The following GKAP1 variants were observed in gnomAD, a reference collection of about 807,000 sequenced individuals.
GKAP1 encodes G kinase-anchoring protein 1.
GKAP1 carries 31 observed loss-of-function variants against 56.7 expected under a neutral mutation model. That is an observed-to-expected ratio of 0.55 (90% CI 0.41 to 0.74). The LOEUF (loss-of-function observed/expected upper bound fraction) is 0.74. Among genes scored for constraint, GKAP1 ranks in the 30% least tolerant of loss-of-function variants. The pLI is 0.00. For missense variants in GKAP1, 364 were observed against 402.3 expected (o/e 0.90, Z 0.82); for synonymous variants, 151 against 138.6 (o/e 1.09, Z -0.63).
Position 83,806,401 on chromosome 9 carries a change from A to G in GKAP1, c.117T>C (p.Thr39=). The G allele has an allele frequency of 2.5e-6, 4 of 1,606,452 alleles. No individual in the cohort carries two copies. The highest frequency in any genetic ancestry group is 3.4e-6 in the Non-Finnish European group (4 of 1,175,910). ...SEPGKGKGRN[T]GKSQTLGSKS... Reference sequence around the variant, plus strand: ...TGCTTCCTAAAGTTTGAGACTTTCCAGTATTTCGACCTTTACCTTTTCCAG... The same window carrying G: ...TGCTTCCTAAAGTTTGAGACTTTCCGGTATTTCGACCTTTACCTTTTCCAG... Residue 39 remains threonine, a synonymous_variant, in exon 3 of 13, where the codon ACT becomes ACC. Transcript: ENST00000376371.
At chr9:83,779,507 ATG>A in intron 7 of GKAP1, among the ~76,000 whole-genome samples, 1 of 138,722 alleles carries the variant, frequency 7.2e-6, no homozygotes, top group Non-Finnish European at 1.5e-5. Flanking sequence ...ATACACATAT[ATG>A]TGTATATATA....
intron 6 of GKAP1, among the ~76,000 whole-genome samples, chr9:83,784,462 A>T (rs1397142590): frequency 6.6e-6 from 1 of 152,176 alleles, no homozygotes; most frequent in African/African-American, 2.4e-5. Context: ...AGATGCTGGC[A>T]TCTTGATATT....
intron 2 of GKAP1, among the ~76,000 whole-genome samples, chr9:83,807,308 C>G (rs1163256021): frequency 6.6e-6 from 1 of 152,130 alleles, no homozygotes; most frequent in African/African-American, 2.4e-5. Flanking sequence ...TGTGACTTCC[C>G]TTAGTTCTTT....
At chr9:83,796,960 A>C (rs1193446168) in intron 4 of GKAP1, among the ~76,000 whole-genome samples, 2 of 152,174 alleles carry the variant, frequency 1.3e-5, no homozygotes, top group Admixed American at 6.5e-5. Context: ...TCCTGCAGCA[A>C]ATCTTTTTCG....
intron 3 of GKAP1, among the ~76,000 whole-genome samples, chr9:83,802,987 T>C (rs1314559584): frequency 6.6e-6 from 1 of 152,026 alleles, no homozygotes. Flanking sequence ...TGTGTGCCTG[T>C]GGTCCCAGTT....
chr9:83,740,032 G>T (rs924867676), intron 12 of GKAP1, among the ~76,000 whole-genome samples: 6 of 152,020 alleles, frequency 3.9e-5, no homozygotes, highest in Admixed American at 2.0e-4. Flanking sequence ...GACTGTTCTA[G>T]AATTAAAAAT....
At chr9:83,784,576 AG>A (rs1944032419) in intron 6 of GKAP1, 138 bp downstream of exon 6, 1 of 606,854 alleles carries the variant, frequency 1.6e-6, no homozygotes, top group African/African-American at 1.9e-5. Flanking sequence ...ACTAAGACAA[AG>A]GTTTACATTT....
intron 7 of GKAP1, among the ~76,000 whole-genome samples, chr9:83,773,544 T>A (rs1943799595): frequency 6.6e-6 from 1 of 152,128 alleles, no homozygotes; most frequent in African/African-American, 2.4e-5. Context: ...AAAAACACAC[T>A]TGATCCCACA....
chr9:83,785,864 G>A (rs990956297), intron 5 of GKAP1, among the ~76,000 whole-genome samples: 2 of 152,098 alleles, frequency 1.3e-5, no homozygotes, highest in African/African-American at 4.8e-5. Flanking sequence ...CAATCTCCTT[G>A]CCTAGTACAT....
At chr9:83,775,007 CCTT>C (rs1211152200) in intron 7 of GKAP1, among the ~76,000 whole-genome samples, 4 of 113,296 alleles carry the variant, frequency 3.5e-5, no homozygotes, top group African/African-American at 2.9e-5. Flanking sequence ...GCGCCCGGCC[CCTT>C]CTTTTTTTTT....
rs538438851 is a variant in GKAP1, at chr9:83,804,079, A to T, written c.216+2223T>A. Among the ~76,000 whole-genome samples, 496 of 149,704 alleles carry T rather than the reference A, an allele frequency of 3.3e-3. 1 individual carries two copies. Among genetic ancestry groups the T allele is most frequent in the African/African-American group, 0.011 (459 of 40,266 alleles). On this transcript the variant is annotated intron_variant, in intron 3 of 12. Transcript: ENST00000376371. ...CGGCAGCCACCCCGTCTGGGAAGTG[A>T]GGAGCGTCTCCGCCCGGCAGCCGCC...
Position 83,802,483 on chromosome 9 carries a change from G to GAAACA in GKAP1, c.217-3156_217-3155insTGTTT, listed in dbSNP as rs1944347045. ...GGCAACAGAGGAAGACTCCATCTCAGAAAAAAAAAAAAAAAAAAGACCATC... is the reference window on the plus strand; with the variant it reads ...GGCAACAGAGGAAGACTCCATCTCAGAAACAAAAAAAAAAAAAAAAAAAGACCATC... On this transcript the variant is annotated intron_variant, in intron 3 of 12. Coordinates refer to ENST00000376371, the MANE Select transcript of GKAP1 (RefSeq NM_025211.4). Among the ~76,000 whole-genome samples the GAAACA allele has an allele frequency of 7.0e-5, 4 of 57,180 alleles. No homozygotes were observed. The South Asian group carries it at 2.3e-3, about 33-fold the overall frequency. 37.5% of individuals were successfully genotyped at this position (57,180 alleles called of 152,430 possible). A position where few individuals can be genotyped will look rare whatever the true frequency, so the allele number is the denominator to read the frequency against.
chr9:83,773,793 G>A (rs571797141), intron 7 of GKAP1, among the ~76,000 whole-genome samples: 1 of 151,998 alleles, frequency 6.6e-6, no homozygotes, highest in South Asian at 2.1e-4. Context: ...TAGATTTAAG[G>A]ATTTTCTACA....
intron 8 of GKAP1, among the ~76,000 whole-genome samples, 169 bp downstream of exon 8, chr9:83,768,649 A>G (rs1459103641): frequency 6.6e-6 from 1 of 152,240 alleles, no homozygotes; most frequent in Non-Finnish European, 1.5e-5. Flanking sequence ...CAGTATGAGT[A>G]TACTTCATAC....
chr9:83,787,479 C>T (rs1030668065), intron 5 of GKAP1, among the ~76,000 whole-genome samples: 1 of 152,274 alleles, frequency 6.6e-6, no homozygotes, highest in African/African-American at 2.4e-5. Flanking sequence ...CTCAAGCAAT[C>T]CTCCTGTCTC....
At chr9:83,803,116 A>G (rs1944359376) in intron 3 of GKAP1, among the ~76,000 whole-genome samples, 1 of 152,186 alleles carries the variant, frequency 6.6e-6, no homozygotes, top group Non-Finnish European at 1.5e-5. Context: ...TCTCAAAAAA[A>G]CAAAAACAAC....
intron 7 of GKAP1, among the ~76,000 whole-genome samples, chr9:83,779,635 A>C: frequency 6.7e-6 from 1 of 150,088 alleles, no homozygotes; most frequent in African/African-American, 2.5e-5. Context: ...ACACACACAC[A>C]CACACATTCT....
chr9:83,746,606 G>A (rs1330115999), intron 10 of GKAP1, among the ~76,000 whole-genome samples: 1 of 152,118 alleles, frequency 6.6e-6, no homozygotes, highest in Non-Finnish European at 1.5e-5. Flanking sequence ...GGGAGGCTGA[G>A]GCAGGAGAAC....
chr9:83,751,391 T>C (rs1189948813), intron 9 of GKAP1, among the ~76,000 whole-genome samples: 2 of 152,222 alleles, frequency 1.3e-5, no homozygotes, highest in Non-Finnish European at 2.9e-5. Context: ...ATATCCTACA[T>C]TGTACTGCAA....
Sources: gnomAD v4.1 joint callset for allele counts (sites outside exome capture counted in the v4.1 genomes callset) on GRCh38, gnomAD v4.1.1 for gene constraint, MANE v1.5 for transcripts, NCBI Gene and HGNC (gene_info 2026-07-23, HGNC 2026-07-21) for gene names.